The following TRHDE variants were observed in gnomAD, a reference collection of about 807,000 sequenced individuals.
TRHDE encodes thyrotropin releasing hormone degrading enzyme.
A neutral mutation model predicts 125.7 loss-of-function variants in TRHDE; 72 were observed. That is an observed-to-expected ratio of 0.57 (90% CI 0.47 to 0.70). The LOEUF is 0.70. Ranked by LOEUF, TRHDE falls within the 30% of genes least tolerant of loss-of-function variation. The probability of loss-of-function intolerance (pLI) is 0.00; values close to 1 mark genes in which losing one functional copy is unlikely to be tolerated. For missense variants in TRHDE, 1,110 were observed against 1,327.1 expected (o/e 0.84, Z 2.54); for synonymous variants, 509 against 509.1 (o/e 1.00, Z 0.00).
intron 7 of TRHDE, among the ~76,000 whole-genome samples, chr12:72,559,101 C>T (rs1908180): frequency 0.23 from 35,437 of 151,974 alleles, 5,728 homozygotes; most frequent in East Asian, 0.53. Flanking sequence ...ACAAATATTA[C>T]GGTTTTCATG....
At chr12:72,445,450 T>G (rs967361345) in intron 3 of TRHDE, among the ~76,000 whole-genome samples, 37 of 152,042 alleles carry the variant, frequency 2.4e-4, no homozygotes, top group African/African-American at 8.9e-4. Context: ...CCAACCTGTT[T>G]CAGCAACCTC....
At chr12:72,473,652 A>T (rs1876754534) in intron 5 of TRHDE, among the ~76,000 whole-genome samples, 2 of 152,168 alleles carry the variant, frequency 1.3e-5, no homozygotes, top group African/African-American at 2.4e-5. Flanking sequence ...TTAATTTTAT[A>T]TATGAAGTTA....
At chr12:72,104,606 C>T (rs762630396) in intron 1 of TRHDE, among the ~76,000 whole-genome samples, 9 of 152,168 alleles carry the variant, frequency 5.9e-5, no homozygotes, top group South Asian at 4.1e-4. Flanking sequence ...GTGTCAGCAA[C>T]GAGTCACTTA....
intron 2 of TRHDE, among the ~76,000 whole-genome samples, chr12:72,197,784 G>A (rs1191337977): frequency 6.6e-6 from 1 of 152,050 alleles, no homozygotes; most frequent in Non-Finnish European, 1.5e-5. Flanking sequence ...CTTTAGGTAT[G>A]GGATTAATAA....
intron 15 of TRHDE, among the ~76,000 whole-genome samples, chr12:72,637,197 T>C (rs1873797093): frequency 6.6e-6 from 1 of 152,206 alleles, no homozygotes; most frequent in Non-Finnish European, 1.5e-5. Flanking sequence ...TATTGGTCTA[T>C]TCAGAGATTC....
chr12:72,374,260 T>C (rs1351505047), intron 2 of TRHDE, among the ~76,000 whole-genome samples: 1 of 150,744 alleles, frequency 6.6e-6, no homozygotes, highest in East Asian at 2.0e-4. Flanking sequence ...AGAATTACCA[T>C]TAACTGAGGT....
intron 18 of TRHDE, among the ~76,000 whole-genome samples, chr12:72,661,728 C>T (rs1353492937): frequency 6.6e-6 from 1 of 152,128 alleles, no homozygotes; most frequent in Admixed American, 6.6e-5. Flanking sequence ...TTTATTAACT[C>T]CAATCCCTTT....
At chr12:72,097,934 TAAATGGTTGGGATG>T (rs1471816975) in intron 1 of TRHDE, among the ~76,000 whole-genome samples, 3 of 152,224 alleles carry the variant, frequency 2.0e-5, no homozygotes, top group Non-Finnish European at 2.9e-5. Context: ...ACTCATGGAA[TAAATGGTTGGGATG>T]CACTGCATAT....
chr12:72,622,828 A>G (rs898040455), intron 15 of TRHDE, among the ~76,000 whole-genome samples: 2 of 152,012 alleles, frequency 1.3e-5, no homozygotes, highest in Non-Finnish European at 2.9e-5. Flanking sequence ...TTAGTAACTC[A>G]TAATACCTCA....
rs988119267 is a variant in TRHDE at position 72,669,941 on chromosome 12, G to T, written c.*6746G>T. On this transcript the variant is annotated 3_prime_UTR_variant, in exon 19 of 19. Transcript: ENST00000261180. ...GGCTGAAAAACTAAAAAAGATTAGG[G>T]CTTGTATTATGCATTGTCTAGTTAC... 1 of 151,632 alleles carries T rather than the reference G, an allele frequency of 6.6e-6. No individual in the cohort carries two copies. The highest frequency in any genetic ancestry group is 6.6e-5 in the Admixed American group (1 of 15,166). The allele number at this position is 151,632 out of a possible 1,614,324, so 9.4% of individuals were successfully genotyped here. A position where few individuals can be genotyped will look rare whatever the true frequency, so the allele number is the denominator to read the frequency against.
intron 2 of TRHDE, among the ~76,000 whole-genome samples, chr12:72,203,340 C>G (rs1461147903): frequency 6.6e-6 from 1 of 152,126 alleles, no homozygotes; most frequent in Non-Finnish European, 1.5e-5. Flanking sequence ...TGGTGGCAGG[C>G]GCCTGTAGTC....
Position 72,620,338 on chromosome 12 carries a change from CAAAAAAAAAAA to C in TRHDE, c.2470-757_2470-747del, listed in dbSNP as rs3080963. 8.9e-5 allele frequency among the ~76,000 whole-genome samples: 6 copies of C among 67,506 alleles called. No homozygotes were observed. In the South Asian group the frequency reaches 2.2e-3, roughly 25 times the overall value. The allele number at this position is 67,506 out of a possible 152,430, so 44.3% of individuals were successfully genotyped here. A position where few individuals can be genotyped will look rare whatever the true frequency, so the allele number is the denominator to read the frequency against. On this transcript the variant is annotated intron_variant, in intron 13 of 18. Transcript: ENST00000261180. ...GGCAACATGGTGAAACCCATCTCTA[CAAAAAAAAAAA>C]AAAAAAAAAAAAGAAATACAAAAAT...
intron 2 of TRHDE, among the ~76,000 whole-genome samples, chr12:72,224,079 CATCTATCTATCCATCTATCT>C (rs1304196261): frequency 1.7e-4 from 11 of 64,160 alleles, no homozygotes; most frequent in Middle Eastern, 0.017. Flanking sequence ...TCTATCTATC[CATCTATCTATCCATCTATCT>C]ATCTATCTAT....
At chr12:72,416,955 T>G (rs1197406611) in intron 3 of TRHDE, among the ~76,000 whole-genome samples, 1 of 152,072 alleles carries the variant, frequency 6.6e-6, no homozygotes, top group Non-Finnish European at 1.5e-5. Flanking sequence ...TTGCTTTGCA[T>G]AATATGGACA....
At chr12:72,435,783 CAT>C (rs1321976502) in intron 3 of TRHDE, among the ~76,000 whole-genome samples, 2 of 151,140 alleles carry the variant, frequency 1.3e-5, no homozygotes, top group Non-Finnish European at 2.9e-5. Context: ...ACAAAAGAAA[CAT>C]ATAATTTTGA....
At chr12:72,100,135 T>C (rs1438251683) in intron 1 of TRHDE, among the ~76,000 whole-genome samples, 1 of 152,212 alleles carries the variant, frequency 6.6e-6, no homozygotes, top group African/African-American at 2.4e-5. Flanking sequence ...AATCTAATTA[T>C]ATTATTTAGA....
chr12:72,137,784 G>A (rs950895393), intron 2 of TRHDE, among the ~76,000 whole-genome samples: 5 of 152,234 alleles, frequency 3.3e-5, no homozygotes, highest in Non-Finnish European at 7.4e-5. Context: ...TTCCCAAATA[G>A]GTCCTCAAAA....
intron 3 of TRHDE, among the ~76,000 whole-genome samples, chr12:72,380,706 CCTTCCTTCCTTCCTTCCTTCCTTCCTTG>C (rs1565720364): frequency 5.4e-4 from 72 of 133,900 alleles, no homozygotes; most frequent in East Asian, 2.4e-3. Flanking sequence ...CAGCTTCCTT[CCTTCCTTCCTTCCTTCCTTCCTTCCTTG>C]CTTCCTTCCT....
At chr12:72,276,292 TTTAG>T (rs1472656678) in intron 1 of TRHDE, among the ~76,000 whole-genome samples, 1 of 152,200 alleles carries the variant, frequency 6.6e-6, no homozygotes, top group Admixed American at 6.5e-5. Flanking sequence ...CATTTTGGTT[TTTAG>T]TTAGATATAA....
Sources: allele counts gnomAD v4.1 joint callset (sites outside exome capture counted in the v4.1 genomes callset), GRCh38; gene constraint gnomAD v4.1.1; transcripts MANE v1.5; gene names NCBI Gene and HGNC (gene_info 2026-07-23, HGNC 2026-07-21).